CNGA1: variants seen among roughly 807,000 people sequenced by gnomAD.
CNGA1 encodes the protein cyclic nucleotide-gated channel alpha-1.
CNGA1 carries 53 observed loss-of-function variants against 69.7 expected under a neutral mutation model. That is an observed-to-expected ratio of 0.76 (90% CI 0.61 to 0.96). The LOEUF is 0.96. Among genes scored for constraint, CNGA1 ranks in the 40% least tolerant of loss-of-function variants. CNGA1 has a pLI of 0.00. For missense variants in CNGA1, 739 were observed against 811.2 expected (o/e 0.91, Z 1.08); for synonymous variants, 249 against 283.5 (o/e 0.88, Z 1.22).
At position 47,999,967 on chromosome 4, in the gene CNGA1, CAACA is replaced by C. The variant is rs559024352; in HGVS notation, c.-123+10823_-123+10826del. Among the ~76,000 whole-genome samples, 303 of 152,082 alleles carry C rather than the reference CAACA, an allele frequency of 2.0e-3. 3 individuals carry two copies. The highest frequency in any genetic ancestry group is 7.1e-3 in the African/African-American group (296 of 41,480). Reference sequence around the variant, plus strand: ...ATTCAAAATAAATCATTTATATAATCAACAAACAAATTTAAAACACAGGAAAAAA... The same window carrying C: ...ATTCAAAATAAATCATTTATATAATCAACAAATTTAAAACACAGGAAAAAA... On this transcript the variant is annotated intron_variant, in intron 2 of 10. Transcript: ENST00000514170.
chr4:47,951,640 A>G lies in CNGA1; in HGVS notation c.108-171T>C, dbSNP rs148416487. On this transcript the variant is annotated intron_variant, in intron 4 of 10. Transcript: ENST00000514170. The stretch of plus-strand genomic sequence containing the variant: ...AGTTAGAACTATACAAAATACATAG[A>G]ATTATATAAAATATGTGCATAATTC... Among the ~76,000 whole-genome samples, 45 of 152,372 alleles carry G rather than the reference A, an allele frequency of 3.0e-4. No homozygotes were observed. In the East Asian group the frequency reaches 8.3e-3, roughly 28 times the overall value.
intron 6 of CNGA1, among the ~76,000 whole-genome samples, chr4:47,948,239 C>T (rs4695317): frequency 0.37 from 56,730 of 151,376 alleles, 11,195 homozygotes; most frequent in Non-Finnish European, 0.44. Flanking sequence ...GTGGTCCTAT[C>T]ATAAGCTGCA....
intron 3 of CNGA1, among the ~76,000 whole-genome samples, chr4:47,976,340 C>CAT (rs1236285137): frequency 5.3e-4 from 12 of 22,668 alleles, no homozygotes; most frequent in Non-Finnish European, 6.6e-4. Flanking sequence ...TATATATACA[C>CAT]ATATATATAT....
chr4:47,940,574 C>G, intron 10 of CNGA1, among the ~76,000 whole-genome samples, 189 bp downstream of exon 10: 1 of 152,228 alleles, frequency 6.6e-6, no homozygotes, highest in East Asian at 1.9e-4. Context: ...GTAACTTCCT[C>G]TGAATCAGCT....
chr4:47,949,794 A>G (rs753156255), intron 6 of CNGA1, 39 bp downstream of exon 6: 15 of 1,563,172 alleles, frequency 9.6e-6, no homozygotes, highest in African/African-American at 2.7e-5. Flanking sequence ...GGTTTTCTTT[A>G]AAACCAAAAC....
intron 9 of CNGA1, among the ~76,000 whole-genome samples, chr4:47,941,290 G>A (rs141592969): frequency 2.2e-3 from 332 of 152,098 alleles, no homozygotes; most frequent in South Asian, 8.7e-3. Flanking sequence ...AATTTCACAT[G>A]TACCCGATAA....
intron 2 of CNGA1, among the ~76,000 whole-genome samples, chr4:47,992,524 G>A (rs919527079): frequency 4.6e-5 from 7 of 151,842 alleles, no homozygotes; most frequent in East Asian, 1.9e-4. Context: ...TTTTGTATCC[G>A]GCAATTTTGC....
chr4:47,957,865 A>T (rs1179843260), intron 3 of CNGA1, among the ~76,000 whole-genome samples: 2 of 151,238 alleles, frequency 1.3e-5, no homozygotes, highest in African/African-American at 4.9e-5. Context: ...TAAGCATTTG[A>T]TAATGTATCA....
At chr4:47,951,787 T>C (rs1264547819) in intron 4 of CNGA1, among the ~76,000 whole-genome samples, 1 of 152,240 alleles carries the variant, frequency 6.6e-6, no homozygotes, top group Non-Finnish European at 1.5e-5. Flanking sequence ...TAGATCATAT[T>C]ATACCTTTGT....
At chr4:47,991,750 G>A (rs1742279390) in intron 2 of CNGA1, among the ~76,000 whole-genome samples, 1 of 152,164 alleles carries the variant, frequency 6.6e-6, no homozygotes, top group Non-Finnish European at 1.5e-5. Context: ...CTAAGCCAAT[G>A]TCTAGAAGGA....
chr4:48,011,485 TA>T (rs1047878157), intron 1 of CNGA1, among the ~76,000 whole-genome samples: 3 of 152,200 alleles, frequency 2.0e-5, no homozygotes, highest in Middle Eastern at 6.8e-3. Context: ...GTTCCTTTTT[TA>T]AAAAAATCTT....
At chr4:47,966,688 C>T (rs73244454) in intron 3 of CNGA1, among the ~76,000 whole-genome samples, 15,920 of 152,132 alleles carry the variant, frequency 0.1, 1,321 homozygotes, top group East Asian at 0.32. Context: ...CTGTTAACTG[C>T]TTGATATTTC....
chr4:47,964,042 A>G (rs1327621209), intron 3 of CNGA1, among the ~76,000 whole-genome samples: 1 of 152,222 alleles, frequency 6.6e-6, no homozygotes, highest in Non-Finnish European at 1.5e-5. Flanking sequence ...GAACGTGTAC[A>G]TATATTTTAA....
intron 6 of CNGA1, among the ~76,000 whole-genome samples, chr4:47,944,373 C>G (rs1487420802): frequency 2.0e-5 from 3 of 152,158 alleles, no homozygotes; most frequent in Non-Finnish European, 4.4e-5. Context: ...CACGTACAAA[C>G]AGGGACAGAA....
At chr4:48,007,000 C>T (rs900397665) in intron 2 of CNGA1, among the ~76,000 whole-genome samples, 2 of 151,568 alleles carry the variant, frequency 1.3e-5, no homozygotes, top group Non-Finnish European at 2.9e-5. Context: ...AATAGGATTA[C>T]AGGTTATTGT....
At chr4:47,999,097 T>C (rs571262051) in intron 2 of CNGA1, among the ~76,000 whole-genome samples, 38 of 152,216 alleles carry the variant, frequency 2.5e-4, no homozygotes, top group African/African-American at 7.5e-4. Context: ...AAGGTGAATA[T>C]AGTATAAGAT....
At chr4:47,995,331 G>T (rs899746099) in intron 2 of CNGA1, among the ~76,000 whole-genome samples, 1 of 152,016 alleles carries the variant, frequency 6.6e-6, no homozygotes, top group Admixed American at 6.6e-5. Context: ...CTTGTTGGAG[G>T]CTTTGTTCAT....
intron 1 of CNGA1, 44 bp downstream of exon 1, chr4:48,016,439 G>GT: frequency 9.0e-6 from 2 of 221,472 alleles, no homozygotes; most frequent in Non-Finnish European, 1.8e-5. Context: ...GAGCCAGAAG[G>GT]GGGCCTCAGT....
In CNGA1 at chr4:48,016,679, G is replaced by A; in HGVS notation, c.-419C>T. 1 of 620,590 alleles carries A rather than the reference G, an allele frequency of 1.6e-6. No homozygotes were observed. The highest frequency in any genetic ancestry group is 2.7e-6 in the Non-Finnish European group (1 of 376,658). 38.4% of individuals were successfully genotyped at this position (620,590 alleles called of 1,614,324 possible). On this transcript the variant is annotated 5_prime_UTR_variant, in exon 1 of 11. Coordinates refer to ENST00000514170, the MANE Select transcript of CNGA1 (RefSeq NM_001379270.1). ...CCCCGGGCAGCAGGGCTCGGCTGGC[G>A]CTGAGGCCCCGCCTGGCCATGCCCA...
Sources: gnomAD v4.1 joint callset for allele counts (sites outside exome capture counted in the v4.1 genomes callset) on GRCh38, gnomAD v4.1.1 for gene constraint, MANE v1.5 for transcripts, NCBI Gene and HGNC (gene_info 2026-07-23, HGNC 2026-07-21) for gene names.